DOCK8: variants seen among roughly 807,000 people sequenced by gnomAD.
DOCK8 encodes dedicator of cytokinesis 8, also known as dedicator of cytokinesis protein 8.
A neutral mutation model predicts 245.6 loss-of-function variants in DOCK8; 141 were observed. The ratio of observed to expected loss-of-function variants is 0.57; its 90% CI spans 0.50 to 0.66. DOCK8 has a LOEUF of 0.66. Ranked by LOEUF, DOCK8 falls within the 30% of genes least tolerant of loss-of-function variation. The pLI, the probability that DOCK8 is intolerant of heterozygous loss-of-function variation, is 0.00. For missense variants in DOCK8, 2,965 were observed against 2,603.4 expected, an observed-to-expected ratio of 1.14 and a Z score of -3.02; for synonymous variants, 1,168 against 970.2, an observed-to-expected ratio of 1.20 and a Z score of -3.79.
chr9:420,368 C>G (rs1564044114), intron 30 of DOCK8, 33 bp from the exon 31 acceptor site: 1 of 1,613,480 alleles, frequency 6.2e-7, no homozygotes. Flanking sequence ...GACTTCTTCC[C>G]TGGCCTCCAT....
chr9:382,448 T>C lies in DOCK8; in HGVS notation c.2606-65T>C, dbSNP rs551783381. ...TCCACCCTATCCCTCTTCAATTCCT[T>C]CTTAAACTCAGTAAGTAACTCTGTT... On this transcript the variant is annotated intron_variant, in intron 21 of 47. Transcript: ENST00000432829. 336 of 1,606,878 alleles carry C rather than the reference T, an allele frequency of 2.1e-4. 1 individual carries two copies. Among genetic ancestry groups the C allele is most frequent in the Non-Finnish European group, 2.8e-4 (327 of 1,176,238 alleles).
intron 4 of DOCK8, among the ~76,000 whole-genome samples, chr9:298,295 C>G (rs1056720867): frequency 3.9e-5 from 6 of 152,112 alleles, no homozygotes; most frequent in African/African-American, 1.4e-4. Context: ...TACGGTGGCG[C>G]ATGCCTGTGA....
intron 5 of DOCK8, among the ~76,000 whole-genome samples, chr9:309,861 A>C (rs1355610495): frequency 6.6e-6 from 1 of 152,226 alleles, no homozygotes; most frequent in Non-Finnish European, 1.5e-5. Flanking sequence ...GTGGAGATTA[A>C]GACAGGGTCT....
intron 1 of DOCK8, chr9:220,723 T>TG (rs2046863042): frequency 2.4e-6 from 1 of 416,544 alleles, no homozygotes; most frequent in African/African-American, 2.2e-5. Context: ...CTTTCTTTTT[T>TG]TTTTTTTTTC....
chr9:213,176 T>C (rs2046647980), upstream of DOCK8: 1 of 152,236 alleles, frequency 6.6e-6, no homozygotes, highest in Non-Finnish European at 1.5e-5. Context: ...GTCTATGCAG[T>C]GAACTTTGTC....
At chr9:274,517 G>C (rs2048270557) in intron 2 of DOCK8, among the ~76,000 whole-genome samples, 1 of 133,192 alleles carries the variant, frequency 7.5e-6, no homozygotes, top group East Asian at 2.2e-4. Flanking sequence ...TGAATAGTCT[G>C]CTTAGGAAAT....
In DOCK8 at chr9:370,040, C is replaced by T. The variant is rs552102258; in HGVS notation, c.1798-190C>T. On this transcript the variant is annotated intron_variant, in intron 15 of 47. Coordinates refer to ENST00000432829, the MANE Select transcript of DOCK8 (RefSeq NM_203447.4). The stretch of plus-strand genomic sequence containing the variant: ...CTGGTCTCCAACTCCTGGGCTCAAG[C>T]CATTCTCCCACGCCGACCTCCCAGA... The T allele has an allele frequency of 4.1e-5, 26 of 628,020 alleles. 1 individual carries two copies. Among genetic ancestry groups the T allele is most frequent in the African/African-American group, 3.1e-4 (17 of 55,182 alleles). 38.9% of individuals were successfully genotyped at this position (628,020 alleles called of 1,614,324 possible).
At position 403,990 on chromosome 9, in the gene DOCK8, ATG is replaced by A. The variant is rs1181261537; in HGVS notation, c.3235-924_3235-923del. Among the ~76,000 whole-genome samples the A allele has an allele frequency of 8.0e-4, 65 of 81,660 alleles. 2 individuals carry two copies. Among genetic ancestry groups the A allele is most frequent in the African/African-American group, 3.9e-3 (59 of 15,184 alleles). 53.6% of individuals were successfully genotyped at this position (81,660 alleles called of 152,430 possible). ...TATATATATATGTGTATATATATAT[ATG>A]TGTATATATATATATATATAGTTTA... On this transcript the variant is annotated intron_variant, in intron 26 of 47. Transcript: ENST00000432829.
At chr9:271,480 C>G in intron 1 of DOCK8, 147 bp from the exon 2 acceptor site, 1 of 651,230 alleles carries the variant, frequency 1.5e-6, no homozygotes, top group Non-Finnish European at 2.7e-6. Context: ...TGTCCACTAA[C>G]AGGCCACTGA....
intron 26 of DOCK8, among the ~76,000 whole-genome samples, chr9:400,241 C>CCTCCTCCAT (rs1564012880): frequency 6.3e-5 from 5 of 79,978 alleles, no homozygotes; most frequent in Admixed American, 2.7e-4. Flanking sequence ...ACCATCACCA[C>CCTCCTCCAT]CACCTCCACC....
intron 15 of DOCK8, chr9:368,787 G>T (rs1456416058): frequency 2.0e-5 from 3 of 150,332 alleles, no homozygotes; most frequent in East Asian, 1.9e-4. Flanking sequence ...ATAAGTCATA[G>T]AATTCAGTTA....
chr9:275,147 T>C (rs1563861638), intron 2 of DOCK8, among the ~76,000 whole-genome samples: 1 of 152,248 alleles, frequency 6.6e-6, no homozygotes, highest in Non-Finnish European at 1.5e-5. Context: ...ATAATAATGC[T>C]GTCCCTAGTA....
rs1285454605 is a variant in DOCK8, at chr9:355,194, T to C, written c.1680-12824T>C. Among the ~76,000 whole-genome samples, 42 of 8,800 alleles carry C rather than the reference T, an allele frequency of 4.8e-3. 1 individual carries two copies. The highest frequency in any genetic ancestry group is 7.1e-3 in the African/African-American group (37 of 5,244). 5.8% of individuals were successfully genotyped at this position (8,800 alleles called of 152,430 possible). A position where few individuals can be genotyped will look rare whatever the true frequency, so the allele number is the denominator to read the frequency against. ...ACTGGTGTATTTCTGTTTCTTTTCT[T>C]TTTTTTTTTTTTTTTTTTTTTTTTT... On this transcript the variant is annotated intron_variant, in intron 14 of 47. Coordinates refer to ENST00000432829, the MANE Select transcript of DOCK8 (RefSeq NM_203447.4).
intron 14 of DOCK8, among the ~76,000 whole-genome samples, chr9:364,782 T>C (rs1340574339): frequency 6.6e-6 from 1 of 152,230 alleles, no homozygotes; most frequent in Non-Finnish European, 1.5e-5. Context: ...TATGTACTTT[T>C]ATGTTATGCA....
At chr9:326,726 G>A (rs2050780917) in intron 8 of DOCK8, among the ~76,000 whole-genome samples, 1 of 152,200 alleles carries the variant, frequency 6.6e-6, no homozygotes, top group Admixed American at 6.5e-5. Context: ...TCTTCAGTAT[G>A]TTCTCTCCCC....
chr9:240,365 T>C (rs16921309), intron 1 of DOCK8, among the ~76,000 whole-genome samples: 10,841 of 150,942 alleles, frequency 0.072, 450 homozygotes, highest in African/African-American at 0.11. Flanking sequence ...ATTCCTTAAG[T>C]TCCCTGTGGC....
chr9:399,086 C>T, intron 25 of DOCK8, 60 bp from the exon 26 acceptor site: 1 of 1,493,308 alleles, frequency 6.7e-7, no homozygotes, highest in South Asian at 1.1e-5. Flanking sequence ...CCACCAGTGA[C>T]CTGGAAGTTC....
rs1165629055 is a variant in DOCK8 at position 404,968 on chromosome 9, G to A, written c.3285G>A (p.Glu1095=). The change falls in exon 27 of 48, where the codon GAG becomes GAA. Residue 1095 remains glutamate, a synonymous_variant. Transcript: ENST00000432829. ...CAACGCTCATTTCCATGAGGCTAGA[G>A]TTCCTGAGAATCCTCTGTAGCCATG... The part of the protein sequence containing the change: ...NLPTLISMRL[E]FLRILCSHEH... 1 of 1,613,918 alleles carries A rather than the reference G, an allele frequency of 6.2e-7. No individual in the cohort carries two copies. The highest frequency in any genetic ancestry group is 8.5e-7 in the Non-Finnish European group (1 of 1,180,006).
chr9:328,695 G>A (rs1469262763), intron 9 of DOCK8, among the ~76,000 whole-genome samples: 2 of 151,686 alleles, frequency 1.3e-5, no homozygotes, highest in Admixed American at 6.6e-5. Context: ...AAGCTGAAGC[G>A]TGGGCTGTGG....
Sources: allele counts gnomAD v4.1 joint callset (sites outside exome capture counted in the v4.1 genomes callset), GRCh38; gene constraint gnomAD v4.1.1; transcripts MANE v1.5; gene names NCBI Gene and HGNC (gene_info 2026-07-23, HGNC 2026-07-21).